The following IDH3A variants were observed in gnomAD, a reference collection of about 807,000 sequenced individuals.
The protein encoded by IDH3A is isocitrate dehydrogenase [NAD] subunit alpha, mitochondrial.
In IDH3A, 23 loss-of-function variants were observed where a neutral mutation model predicts 43.3. The observed-to-expected ratio is 0.53, with a 90% CI of 0.38 to 0.75. The LOEUF is 0.75. Ranked by LOEUF, IDH3A falls within the 30% of genes least tolerant of loss-of-function variation. The probability of loss-of-function intolerance (pLI) is 0.00; values close to 1 mark genes in which losing one functional copy is unlikely to be tolerated. For missense variants in IDH3A, 329 were observed against 474.4 expected (o/e 0.69, Z 2.85); for synonymous variants, 154 against 163.5 (o/e 0.94, Z 0.44).
chr15:78,164,988 C>CT lies in IDH3A; in HGVS notation c.780-3dup, dbSNP rs948553104. 2 of 1,610,052 alleles carry CT rather than the reference C, an allele frequency of 1.2e-6. No individual in the cohort carries two copies. Among genetic ancestry groups the CT allele is most frequent in the Non-Finnish European group, 1.7e-6 (2 of 1,177,470 alleles). ...CATTCTTTGAAATGCTTTTCTTCCG[C>CT]TAGTGACTTGTGTGCAGGATTGATC... On this transcript the variant is annotated splice_polypyrimidine_tract_variant and splice_region_variant and intron_variant, in intron 8 of 10. Coordinates refer to ENST00000299518, the MANE Select transcript of IDH3A (RefSeq NM_005530.3).
intron 5 of IDH3A, 125 bp from the exon 6 acceptor site, chr15:78,162,108 TG>T: frequency 1.1e-6 from 1 of 903,800 alleles, no homozygotes; most frequent in Non-Finnish European, 1.8e-6. Flanking sequence ...GCAGTGTGTG[TG>T]ATTAGTCATG....
At chr15:78,164,213 CA>C (rs2074712947) in intron 8 of IDH3A, among the ~76,000 whole-genome samples, 1 of 152,008 alleles carries the variant, frequency 6.6e-6, no homozygotes, top group South Asian at 2.1e-4. Context: ...CAGATGTCAG[CA>C]TTTTATCACA....
intron 7 of IDH3A, 26 bp from the exon 8 acceptor site, chr15:78,163,690 T>G (rs756759456): frequency 6.2e-7 from 1 of 1,603,806 alleles, no homozygotes; most frequent in Non-Finnish European, 8.5e-7. Flanking sequence ...TTTTGATTAC[T>G]AAATGCACAA....
At position 78,169,013 on chromosome 15, in the gene IDH3A, A is replaced by G; in HGVS notation, c.*8A>G. 1 of 1,565,146 alleles carries G rather than the reference A, an allele frequency of 6.4e-7. No individual in the cohort carries two copies. Among genetic ancestry groups the G allele is most frequent in the Non-Finnish European group, 8.8e-7 (1 of 1,138,124 alleles). On this transcript the variant is annotated 3_prime_UTR_variant, in exon 11 of 11. Transcript: ENST00000299518. Reference sequence around the variant, plus strand: ...GTAAAAGATTTAGATTAACACTTCTACAACTGGCATTTACATCAGTCACTC... The same window carrying G: ...GTAAAAGATTTAGATTAACACTTCTGCAACTGGCATTTACATCAGTCACTC...
chr15:78,164,289 C>T (rs1263047430), intron 8 of IDH3A, among the ~76,000 whole-genome samples: 1 of 145,674 alleles, frequency 6.9e-6, no homozygotes, highest in Non-Finnish European at 1.5e-5. Context: ...GTCTGTGCTT[C>T]TCTCTCTCTC....
Position 78,166,191 on chromosome 15 carries a change from G to A in IDH3A, c.906G>A (p.Ala302=), listed in dbSNP as rs376383196. ...CAGACATTGCAGGCAAGGACATGGC[G>A]AATCCCACAGCCCTCCTGCTCAGTG... is the stretch of plus-strand genomic sequence containing the variant. ...TAPDIAGKDM[A]NPTALLLSAV... Residue 302 remains alanine, a synonymous_variant, in exon 10 of 11, where the codon GCG becomes GCA. Coordinates refer to ENST00000299518, the MANE Select transcript of IDH3A (RefSeq NM_005530.3). 3.4e-5 allele frequency: 55 copies of A among 1,614,190 alleles called. No individual in the cohort carries two copies. The highest frequency in any genetic ancestry group is 3.3e-4 in the Middle Eastern group (2 of 6,062).
intron 9 of IDH3A, 106 bp downstream of exon 9, chr15:78,165,182 A>G (rs2074725331): frequency 2.7e-6 from 2 of 749,044 alleles, no homozygotes; most frequent in Admixed American, 4.6e-5. Flanking sequence ...CAAATTGTCA[A>G]AACAAAATGA....
chr15:78,164,274 C>A (rs2074713793), intron 8 of IDH3A, among the ~76,000 whole-genome samples: 1 of 151,764 alleles, frequency 6.6e-6, no homozygotes, highest in African/African-American at 2.4e-5. Flanking sequence ...TTCCTCCTCT[C>A]CTTTGTCTGT....
intron 2 of IDH3A, chr15:78,157,183 T>G: frequency 9.0e-7 from 1 of 1,114,042 alleles, no homozygotes; most frequent in African/African-American, 1.6e-5. Flanking sequence ...ATTGTTAATT[T>G]TTTGTTGTTG....
intron 10 of IDH3A, chr15:78,167,432 C>T (rs1391057532): frequency 1.3e-5 from 2 of 152,124 alleles, no homozygotes; most frequent in Admixed American, 6.6e-5. Context: ...CGGGCTATTC[C>T]GAAGTTAGAG....
intron 9 of IDH3A, 53 bp from the exon 10 acceptor site, chr15:78,166,097 G>C (rs1418793158): frequency 6.4e-7 from 1 of 1,553,674 alleles, no homozygotes; most frequent in Non-Finnish European, 8.9e-7. Context: ...CCCCAGAAGA[G>C]GACTGTTAGT....
At chr15:78,162,484 C>T in intron 6 of IDH3A, 117 bp downstream of exon 6, 1 of 1,080,312 alleles carries the variant, frequency 9.3e-7, no homozygotes, top group East Asian at 2.5e-5. Flanking sequence ...TGAAAAAGAA[C>T]TTTGTAACAA....
At chr15:78,166,340 G>C (rs1165049930) in intron 10 of IDH3A, 38 bp downstream of exon 10, 1 of 1,596,230 alleles carries the variant, frequency 6.3e-7, no homozygotes, top group Non-Finnish European at 8.6e-7. Flanking sequence ...TGGGTAAAAT[G>C]CATTGCTTCC....
rs1169999531 is a variant in IDH3A, at chr15:78,163,479, TCAGCAG to T, written c.612-27_612-22del. 5.4e-6 allele frequency: 8 copies of T among 1,472,478 alleles called. No homozygotes were observed. The Admixed American group carries it at 9.0e-5, about 17-fold the overall frequency. The allele number at this position is 1,472,478 out of a possible 1,614,324, so 91.2% of individuals were successfully genotyped here. On this transcript the variant is annotated intron_variant, in intron 6 of 10. Transcript: ENST00000299518. ...CTTTTCTTTCTGTAAGACTTTTTTT[TCAGCAG>T]TTTTTATTTGATTAAATACAGGCGG... is the stretch of plus-strand genomic sequence containing the variant.
At position 78,161,546 on chromosome 15, in the gene IDH3A, T is replaced by C. The variant is rs2074681311; in HGVS notation, c.290-35T>C. On this transcript the variant is annotated intron_variant, in intron 4 of 10. Transcript: ENST00000299518. The surrounding 1 kb of genome is among the most constrained non-coding windows in gnomAD (Gnocchi z 4.8). The stretch of plus-strand genomic sequence containing the variant: ...AGGTCACACGTGAGACCAGAATTCC[T>C]TCTAGTGTCATCTGGGTTTTCTTCT... 6.3e-7 allele frequency: 1 copy of C among 1,584,152 alleles called. No individual in the cohort carries two copies. The highest frequency in any genetic ancestry group is 8.6e-7 in the Non-Finnish European group (1 of 1,161,490).
At chr15:78,152,561 T>C (rs2074587514) in intron 1 of IDH3A, among the ~76,000 whole-genome samples, 1 of 151,236 alleles carries the variant, frequency 6.6e-6, no homozygotes. Flanking sequence ...GGTTTCTCCA[T>C]GTTAGTCAGG....
chr15:78,151,182 G>C (rs1490058394), intron 1 of IDH3A: 1 of 152,266 alleles, frequency 6.6e-6, no homozygotes, highest in East Asian at 1.9e-4. Flanking sequence ...TCTCACTTTA[G>C]GGATTGGAGC....
rs1184989002 is a variant in IDH3A at position 78,169,808 on chromosome 15, C to T, written c.*803C>T. On this transcript the variant is annotated 3_prime_UTR_variant, in exon 11 of 11. Transcript: ENST00000299518. ...ATCATGAGTTGTCACAGCCTCTGAGCCCCTGATCTGAAGCCAGAAGGGCTG... is the reference window on the plus strand; with the variant it reads ...ATCATGAGTTGTCACAGCCTCTGAGTCCCTGATCTGAAGCCAGAAGGGCTG... The T allele has an allele frequency of 5.3e-5, 8 of 152,170 alleles. No homozygotes were observed. The allele number at this position is 152,170 out of a possible 1,614,324, so 9.4% of individuals were successfully genotyped here.
intron 1 of IDH3A, among the ~76,000 whole-genome samples, chr15:78,152,207 C>A (rs1318782455): frequency 6.8e-6 from 1 of 148,084 alleles, no homozygotes; most frequent in Admixed American, 6.7e-5. Flanking sequence ...TACAGGCACC[C>A]ACCATCACAC....
Sources: allele counts gnomAD v4.1 joint callset (sites outside exome capture counted in the v4.1 genomes callset), GRCh38; gene constraint gnomAD v4.1.1; non-coding constraint Gnocchi (gnomAD v3.1); transcripts MANE v1.5; gene names NCBI Gene and HGNC (gene_info 2026-07-23, HGNC 2026-07-21).